The following CYFIP2 variants were observed in gnomAD, a reference collection of about 807,000 sequenced individuals.
CYFIP2 encodes the protein cytoplasmic FMR1 interacting protein 2.
In CYFIP2, 29 loss-of-function variants were observed where a neutral mutation model predicts 158.7. The ratio of observed to expected loss-of-function variants is 0.18; its 90% CI spans 0.14 to 0.25. The LOEUF is 0.25. Among genes scored for constraint, CYFIP2 ranks in the 10% least tolerant of loss-of-function variants. CYFIP2 has a pLI of 1.00. For synonymous variants in CYFIP2, 585 were observed against 617.6 expected, an observed-to-expected ratio of 0.95 and a Z score of 0.78; for missense variants, 852 against 1,639.5, an observed-to-expected ratio of 0.52 and a Z score of 8.29.
chr5:157,343,812 G>A (rs1400182801), intron 23 of CYFIP2, among the ~76,000 whole-genome samples: 1 of 152,098 alleles, frequency 6.6e-6, no homozygotes, highest in Admixed American at 6.5e-5. Flanking sequence ...CCCTAGCTGA[G>A]ATCCTTCAGA....
intron 8 of CYFIP2, chr5:157,304,574 A>G (rs1268565870): frequency 6.1e-6 from 3 of 490,426 alleles, no homozygotes; most frequent in African/African-American, 3.9e-5. Flanking sequence ...TATTTCTACA[A>G]TGTTATGTGT....
intron 28 of CYFIP2, among the ~76,000 whole-genome samples, chr5:157,387,207 T>C (rs973152219): frequency 2.0e-5 from 3 of 152,234 alleles, no homozygotes; most frequent in African/African-American, 7.2e-5. Context: ...CTCTGGGTAA[T>C]GAGGTTTATG....
chr5:157,301,970 G>A (rs1475157709), intron 6 of CYFIP2, among the ~76,000 whole-genome samples: 1 of 152,202 alleles, frequency 6.6e-6, no homozygotes, highest in Non-Finnish European at 1.5e-5. Flanking sequence ...AGTCAACTGT[G>A]AAATCTGGTG....
chr5:157,343,041 G>A, intron 23 of CYFIP2: 1 of 1,614,190 alleles, frequency 6.2e-7, no homozygotes, highest in Non-Finnish European at 8.5e-7. Context: ...CCAAGATCCG[G>A]GGCCTCCTCT....
In CYFIP2 at chr5:157,309,350, C is replaced by T. The variant is rs1425848837; in HGVS notation, c.901-393C>T. Among the ~76,000 whole-genome samples the T allele has an allele frequency of 9.2e-5, 14 of 152,198 alleles. No individual in the cohort carries two copies. The South Asian group carries it at 1.4e-3, about 16-fold the overall frequency. On this transcript the variant is annotated intron_variant, in intron 9 of 30. Transcript: ENST00000620254. ...CAGACTTTCTCAGGAAGACCAACAG[C>T]GCTCAGACACCTGCTTCTAGCCTAG...
intron 23 of CYFIP2, chr5:157,342,855 C>G: frequency 6.2e-7 from 1 of 1,606,076 alleles, no homozygotes. Context: ...CGCTCTCCTC[C>G]CCACTCTCAT....
intron 7 of CYFIP2, chr5:157,303,145 A>G (rs1333802508): frequency 1.2e-5 from 5 of 403,694 alleles, no homozygotes; most frequent in Non-Finnish European, 2.2e-5. Flanking sequence ...CAGGGTTGAG[A>G]ACGTGGGGTC....
intron 1 of CYFIP2, among the ~76,000 whole-genome samples, chr5:157,269,792 AG>A (rs775995526): frequency 6.6e-6 from 1 of 152,250 alleles, no homozygotes; most frequent in Admixed American, 6.5e-5. Context: ...TGTGATTCAC[AG>A]ATTCTGTCAA....
rs1399761182 is a variant in CYFIP2, at chr5:157,285,340, G to A, written c.-22G>A. ...TGACCTTCTCTTCCTTCCCTTCAGT[G>A]CAGAATACAGAAACTGCAGCCATGA... On this transcript the variant is annotated splice_region_variant and 5_prime_UTR_variant, in exon 2 of 31. Coordinates refer to ENST00000620254, the MANE Select transcript of CYFIP2 (RefSeq NM_001037333.3). 6.5e-7 allele frequency: 1 copy of A among 1,548,278 alleles called. No individual in the cohort carries two copies. Among genetic ancestry groups the A allele is most frequent in the Non-Finnish European group, 8.7e-7 (1 of 1,143,072 alleles).
intron 26 of CYFIP2, among the ~76,000 whole-genome samples, chr5:157,370,711 A>G (rs779377236): frequency 6.6e-6 from 1 of 152,266 alleles, no homozygotes; most frequent in Non-Finnish European, 1.5e-5. Context: ...AGGAAATGCT[A>G]ACCTTGGAAG....
intron 23 of CYFIP2, among the ~76,000 whole-genome samples, chr5:157,352,404 C>T (rs987807556): frequency 1.3e-5 from 2 of 152,216 alleles, no homozygotes; most frequent in Admixed American, 1.3e-4. Context: ...ACACTGCCCG[C>T]CTGGGCTGAC....
intron 21 of CYFIP2, among the ~76,000 whole-genome samples, chr5:157,336,079 C>T (rs1234375197): frequency 1.3e-5 from 2 of 152,106 alleles, no homozygotes; most frequent in African/African-American, 4.8e-5. Flanking sequence ...CTGGATGGCC[C>T]CTGCTCGCCC....
intron 1 of CYFIP2, among the ~76,000 whole-genome samples, chr5:157,274,376 A>G (rs150870931): frequency 3.1e-4 from 47 of 152,334 alleles, no homozygotes; most frequent in African/African-American, 9.9e-4. Context: ...CACTTAGCAT[A>G]ATATTGTCAA....
intron 28 of CYFIP2, among the ~76,000 whole-genome samples, chr5:157,386,838 C>G (rs377458264): frequency 6.6e-6 from 1 of 151,318 alleles, no homozygotes; most frequent in Non-Finnish European, 1.5e-5. Flanking sequence ...GAGAATGGCT[C>G]GAACCCGGGA....
intron 21 of CYFIP2, among the ~76,000 whole-genome samples, chr5:157,337,110 C>T (rs1318788736): frequency 2.6e-5 from 4 of 152,200 alleles, no homozygotes; most frequent in African/African-American, 9.7e-5. Context: ...TAGAAATAAA[C>T]TCAGCGCCAC....
chr5:157,372,236 G>T (rs906144762), intron 26 of CYFIP2, among the ~76,000 whole-genome samples: 2 of 152,046 alleles, frequency 1.3e-5, no homozygotes, highest in African/African-American at 2.4e-5. Context: ...TAAATATAGG[G>T]GAATCACAAT....
chr5:157,343,147 G>A (rs1554115760), intron 23 of CYFIP2: 1 of 1,614,120 alleles, frequency 6.2e-7, no homozygotes, highest in Non-Finnish European at 8.5e-7. Context: ...GGAGGCAGAT[G>A]AAGGCCAAGA....
chr5:157,364,514 G>A (rs1175581300), intron 26 of CYFIP2: 1 of 152,232 alleles, frequency 6.6e-6, no homozygotes, highest in African/African-American at 2.4e-5. Context: ...ACCAGAGAGA[G>A]GAGGAACTCA....
intron 7 of CYFIP2, 127 bp from the exon 8 acceptor site, chr5:157,304,111 T>G (rs749850000): frequency 1.9e-4 from 234 of 1,237,916 alleles, no homozygotes; most frequent in Non-Finnish European, 2.5e-4. Flanking sequence ...CAGCCTCGCC[T>G]CCCTGGAGCT....
Sources: gnomAD v4.1 joint callset for allele counts (sites outside exome capture counted in the v4.1 genomes callset) on GRCh38, gnomAD v4.1.1 for gene constraint, MANE v1.5 for transcripts, NCBI Gene and HGNC (gene_info 2026-07-23, HGNC 2026-07-21) for gene names.